The following FKBP15 variants were observed in gnomAD, a reference collection of about 807,000 sequenced individuals.
The protein encoded by FKBP15 is FK506-binding protein 15.
FKBP15 carries 106 observed loss-of-function variants against 158.1 expected under a neutral mutation model. The ratio of observed to expected loss-of-function variants is 0.67; its 90% confidence interval spans 0.57 to 0.79. The LOEUF is 0.79. Ranked by LOEUF, FKBP15 falls within the 30% of genes least tolerant of loss-of-function variation. The pLI is 0.00. For missense variants in FKBP15, 1,287 were observed against 1,479.1 expected, an observed-to-expected ratio of 0.87 and a Z score of 2.13; for synonymous variants, 547 against 548.6, an observed-to-expected ratio of 1.00 and a Z score of 0.04.
chr9:113,202,947 T>G lies in FKBP15; in HGVS notation c.399+14A>C, dbSNP rs73655842. ...CCCGAAGGAGCTAATGATTCCAATATGATGAAGTCTTACCATTAGCTCAAA... is the reference window on the plus strand; with the variant it reads ...CCCGAAGGAGCTAATGATTCCAATAGGATGAAGTCTTACCATTAGCTCAAA... On this transcript the variant is annotated intron_variant, in intron 5 of 27. Transcript: ENST00000238256. 3.1e-3 allele frequency: 4,925 copies of G among 1,599,430 alleles called. 142 individuals carry two copies. In the African/African-American group the frequency reaches 0.057, roughly 18 times the overall value.
Position 113,166,040 on chromosome 9 carries a change from G to C in FKBP15, c.*38C>G. 1 of 1,584,692 alleles carries C rather than the reference G, an allele frequency of 6.3e-7. No individual in the cohort carries two copies. ...GCTGTGCAAAATCATGCTTAGGGAA[G>C]GGTTGCAGAGAAACCTTTGCACCAG... On this transcript the variant is annotated 3_prime_UTR_variant, in exon 28 of 28. Transcript: ENST00000238256.
rs754559444 is a variant in FKBP15, at chr9:113,211,567, G to A, written c.79C>T (p.Leu27=). 7 of 1,603,758 alleles carry A rather than the reference G, an allele frequency of 4.4e-6. No homozygotes were observed. The Admixed American group carries it at 1.2e-4, about 27-fold the overall frequency. Residue 27 remains leucine (L), a synonymous_variant, in exon 2 of 28, where the codon CTG becomes TTG. Coordinates refer to ENST00000238256, the MANE Select transcript of FKBP15 (RefSeq NM_015258.2). ...CCATGGCCAGCAGCTGCCTGATCCA[G>A]TCCAAAAAGTGAGGCCAATCTGGCA... The part of the protein sequence containing the change: ...GGARLASLFG[L]DQAAAGHGNE...
At chr9:113,203,057 TA>T (rs1830824015) in intron 4 of FKBP15, 22 bp from the exon 5 acceptor site, 1 of 1,472,992 alleles carries the variant, frequency 6.8e-7, no homozygotes, top group Non-Finnish European at 9.1e-7. Context: ...CAACGACAGA[TA>T]GAAAAAAAAA....
At chr9:113,207,102 G>T in intron 3 of FKBP15, 110 bp downstream of exon 3, 1 of 803,572 alleles carries the variant, frequency 1.2e-6, no homozygotes, top group Non-Finnish European at 2.1e-6. Context: ...TTTTGTCCGT[G>T]GAAGGGCTAA....
At chr9:113,172,900 G>C (rs1000774911) in intron 23 of FKBP15, among the ~76,000 whole-genome samples, 2 of 152,094 alleles carry the variant, frequency 1.3e-5, no homozygotes, top group Non-Finnish European at 2.9e-5. Flanking sequence ...TTTCAGGCCT[G>C]ATGATCCCAC....
chr9:113,203,062 A>G, intron 4 of FKBP15, 27 bp from the exon 5 acceptor site: 2 of 1,454,204 alleles, frequency 1.4e-6, no homozygotes, highest in Non-Finnish European at 1.9e-6. Context: ...ACAGATAGAA[A>G]AAAAAAAAGA....
chr9:113,208,733 G>A (rs1178904850), intron 2 of FKBP15, among the ~76,000 whole-genome samples: 2 of 150,890 alleles, frequency 1.3e-5, no homozygotes, highest in Admixed American at 1.3e-4. Flanking sequence ...CAGGCTGGAC[G>A]AGATGGCTCA....
At chr9:113,197,363 C>T (rs537446174) in intron 8 of FKBP15, among the ~76,000 whole-genome samples, 1 of 152,134 alleles carries the variant, frequency 6.6e-6, no homozygotes, top group South Asian at 2.1e-4. Context: ...GAAAGAAAAG[C>T]TATCATTAAA....
At chr9:113,217,375 G>A (rs1365767433) in intron 1 of FKBP15, among the ~76,000 whole-genome samples, 2 of 150,812 alleles carry the variant, frequency 1.3e-5, no homozygotes, top group African/African-American at 4.9e-5. Flanking sequence ...ACCACACCCA[G>A]TTAATTTTTG....
At chr9:113,185,203 G>A (rs989939405) in intron 15 of FKBP15, among the ~76,000 whole-genome samples, 2 of 152,184 alleles carry the variant, frequency 1.3e-5, no homozygotes, top group Non-Finnish European at 2.9e-5. Flanking sequence ...AGTCTGGCTG[G>A]GAGACTGACA....
Position 113,187,802 on chromosome 9 carries a change from T to G in FKBP15, c.1374A>C (p.Gln458His), listed in dbSNP as rs113219248. Residue 458 changes from glutamine to histidine, a missense_variant, in exon 14 of 28, where the codon CAA (glutamine) becomes CAC (histidine). Coordinates refer to ENST00000238256, the MANE Select transcript of FKBP15 (RefSeq NM_015258.2). ...GGTTATAAAATGTTACCTGAAAGGATTGGGCATTTCCAGATACAGCTGAGT... is the reference window on the plus strand; with the variant it reads ...GGTTATAAAATGTTACCTGAAAGGAGTGGGCATTTCCAGATACAGCTGAGT... Reference protein sequence around the residue: ...DSHSAVSGNAQSFQPYAGMQA... With the variant: ...DSHSAVSGNAHSFQPYAGMQA... 3.1e-6 allele frequency: 5 copies of G among 1,612,728 alleles called. No homozygotes were observed. The African/African-American group carries it at 6.7e-5, about 22-fold the overall frequency.
chr9:113,210,332 C>CTTTTTTTTT (rs35201179), intron 2 of FKBP15, among the ~76,000 whole-genome samples: 8 of 114,740 alleles, frequency 7.0e-5, no homozygotes, highest in African/African-American at 1.4e-4. Flanking sequence ...GTTGTGATGG[C>CTTTTTTTTT]TTTTTTTTTT....
intron 20 of FKBP15, 111 bp downstream of exon 20, chr9:113,178,519 G>A: frequency 9.0e-7 from 1 of 1,113,980 alleles, no homozygotes; most frequent in Non-Finnish European, 1.3e-6. Flanking sequence ...TTTTGGTGTA[G>A]TCCTTCAAAA....
At chr9:113,206,333 C>T in intron 4 of FKBP15, 176 bp downstream of exon 4, 1 of 577,648 alleles carries the variant, frequency 1.7e-6, no homozygotes. Context: ...TTTTAACGCA[C>T]AATAGTAAGC....
rs142872315 is a variant in FKBP15, at chr9:113,218,134, CAG to C, written c.53+3055_53+3056del. Among the ~76,000 whole-genome samples, 857 of 151,948 alleles carry C rather than the reference CAG, an allele frequency of 5.6e-3. 10 individuals are homozygous for C. The highest frequency in any genetic ancestry group is 0.02 in the African/African-American group (831 of 41,484). On this transcript the variant is annotated intron_variant, in intron 1 of 27. Coordinates refer to ENST00000238256, the MANE Select transcript of FKBP15 (RefSeq NM_015258.2). ...TACTGTATCAATGTATTTTAATAAA[CAG>C]AGATTCTTTTTGTTGGTAAAGTATT...
chr9:113,183,643 T>C, intron 18 of FKBP15, 108 bp downstream of exon 18: 2 of 704,854 alleles, frequency 2.8e-6, no homozygotes, highest in South Asian at 3.7e-5. Flanking sequence ...GAAACAGAAA[T>C]GGCAGAAATA....
At chr9:113,180,170 A>T (rs1055048025) in intron 19 of FKBP15, among the ~76,000 whole-genome samples, 3 of 152,234 alleles carry the variant, frequency 2.0e-5, no homozygotes, top group African/African-American at 7.2e-5. Context: ...TAAGCAGAGT[A>T]GAAAATCACC....
chr9:113,179,400 G>A (rs900756273), intron 19 of FKBP15, among the ~76,000 whole-genome samples: 2 of 152,076 alleles, frequency 1.3e-5, no homozygotes, highest in East Asian at 1.9e-4. Flanking sequence ...GCAGTGGCTC[G>A]CGCCTGTAAT....
Position 113,184,334 on chromosome 9 carries a change from C to T in FKBP15, c.1674G>A (p.Met558Ile). Residue 558 changes from methionine to isoleucine, a missense_variant, in exon 17 of 28, where the codon ATG (methionine) becomes ATA (isoleucine). Met to Ile is a conservative substitution (Grantham distance 10). Coordinates refer to ENST00000238256, the MANE Select transcript of FKBP15 (RefSeq NM_015258.2). The surrounding 1 kb of genome is among the most constrained non-coding windows in gnomAD (Gnocchi z 4.5). ...SMLIPSMSVTMETSMIMSNIQ... is the reference protein window; with the variant it reads ...SMLIPSMSVTIETSMIMSNIQ... ...TGTTGCTCATAATCATGCTTGTTTC[C>T]ATTGTAACTGACATGCTAGGAATAA... 6.2e-7 allele frequency: 1 copy of T among 1,606,040 alleles called. No individual in the cohort carries two copies. The highest frequency in any genetic ancestry group is 8.5e-7 in the Non-Finnish European group (1 of 1,175,922).
Sources: gnomAD v4.1 joint callset for allele counts (sites outside exome capture counted in the v4.1 genomes callset) on GRCh38, gnomAD v4.1.1 for gene constraint, Gnocchi (gnomAD v3.1) non-coding constraint, MANE v1.5 for transcripts, NCBI Gene and HGNC (gene_info 2026-07-23, HGNC 2026-07-21) for gene names.